KDM7A: variants seen among roughly 807,000 people sequenced by gnomAD.
KDM7A encodes the protein lysine-specific demethylase 7A.
Under a neutral mutation model 114.8 loss-of-function variants are expected in KDM7A, and 28 were observed. The ratio of observed to expected loss-of-function variants is 0.24; its 90% CI spans 0.18 to 0.33. KDM7A has a LOEUF of 0.33. Ranked by LOEUF, KDM7A falls within the 10% of genes least tolerant of loss-of-function variation. The pLI is 1.00. For synonymous variants in KDM7A, 423 were observed against 397.8 expected (o/e 1.06, Z -0.75); for missense variants, 942 against 1,142.5 (o/e 0.82, Z 2.53).
intron 11 of KDM7A, among the ~76,000 whole-genome samples, chr7:140,108,601 C>G (rs1818381974): frequency 6.6e-6 from 1 of 152,184 alleles, no homozygotes; most frequent in Non-Finnish European, 1.5e-5. Context: ...TGCAGAACAG[C>G]AAAGGTTGCT....
At chr7:140,112,535 CAGG>C (rs1329649715) in intron 10 of KDM7A, among the ~76,000 whole-genome samples, 1 of 151,836 alleles carries the variant, frequency 6.6e-6, no homozygotes, top group East Asian at 1.9e-4. Flanking sequence ...CACTTGAACC[CAGG>C]AGGCGTAGGT....
chr7:140,105,145 T>C (rs1022417559), intron 11 of KDM7A, among the ~76,000 whole-genome samples: 6 of 152,220 alleles, frequency 3.9e-5, no homozygotes, highest in Non-Finnish European at 7.3e-5. Context: ...TTTTGTATCC[T>C]GAGACTTTGC....
intron 6 of KDM7A, 34 bp downstream of exon 6, chr7:140,126,603 G>A (rs769112431): frequency 2.1e-6 from 3 of 1,409,980 alleles, no homozygotes; most frequent in African/African-American, 2.9e-5. Context: ...ATATGTTTTT[G>A]TCAGTGAGAG....
In KDM7A at chr7:140,099,035, T is replaced by C; in HGVS notation, c.1764-2A>G. On this transcript the variant is annotated splice_acceptor_variant, in intron 13 of 19. Coordinates refer to ENST00000397560, the MANE Select transcript of KDM7A (RefSeq NM_030647.2). LOFTEE classifies it high-confidence loss of function. ...TCTGCAAAGGGCTGCCTTTCATCTC[T>C]GTATTAAGAAGGAAAAGTAATCAGA... 6.2e-7 allele frequency: 1 copy of C among 1,604,212 alleles called. No individual in the cohort carries two copies. Among genetic ancestry groups the C allele is most frequent in the Non-Finnish European group, 8.5e-7 (1 of 1,175,882 alleles).
chr7:140,104,949 GTCT>G lies in KDM7A; in HGVS notation c.1429-2792_1429-2790del, dbSNP rs1818303489. Among the ~76,000 whole-genome samples, 5 of 152,204 alleles carry G rather than the reference GTCT, an allele frequency of 3.3e-5. 2 individuals carry two copies. The South Asian group carries it at 1.0e-3, about 32-fold the overall frequency. ...ATGGAATGTTCTTCCATTTGTTTGT[GTCT>G]TCTTTTATTTTGTTGAGCAGTGGTT... On this transcript the variant is annotated intron_variant, in intron 11 of 19. Coordinates refer to ENST00000397560, the MANE Select transcript of KDM7A (RefSeq NM_030647.2).
At chr7:140,151,241 G>A (rs545549046) in intron 1 of KDM7A, among the ~76,000 whole-genome samples, 63 of 152,330 alleles carry the variant, frequency 4.1e-4, no homozygotes, top group African/African-American at 1.5e-3. Context: ...CATGGCTAGT[G>A]CGACACCAAA....
intron 15 of KDM7A, 72 bp from the exon 16 acceptor site, chr7:140,097,119 G>T: frequency 9.2e-7 from 1 of 1,085,922 alleles, no homozygotes; most frequent in Non-Finnish European, 1.3e-6. Flanking sequence ...AATCCGAAAA[G>T]ATTTTATACA....
In KDM7A at chr7:140,101,948, T is replaced by C. The variant is rs759762037; in HGVS notation, c.1638+3A>G. 1.3e-6 allele frequency: 2 copies of C among 1,593,364 alleles called. No homozygotes were observed. Among genetic ancestry groups the C allele is most frequent in the East Asian group, 4.5e-5 (2 of 44,774 alleles). ...TTTTGTTGTCATGAAACATAATACT[T>C]GCCTCTTCCCATGGACACATCTCTA... On this transcript the variant is annotated splice_donor_region_variant and intron_variant, in intron 12 of 19. Transcript: ENST00000397560.
chr7:140,138,677 C>G (rs1207828076), intron 2 of KDM7A, among the ~76,000 whole-genome samples: 3 of 152,182 alleles, frequency 2.0e-5, no homozygotes, highest in Non-Finnish European at 4.4e-5. Context: ...TTTAGCTTAT[C>G]AATGCTCTCA....
intron 9 of KDM7A, among the ~76,000 whole-genome samples, chr7:140,114,499 G>A (rs1478748555): frequency 1.3e-5 from 2 of 152,168 alleles, no homozygotes; most frequent in African/African-American, 4.8e-5. Flanking sequence ...GAGTGCAGTG[G>A]CGTGATCTCG....
intron 11 of KDM7A, 40 bp downstream of exon 11, chr7:140,111,055 G>T: frequency 1.8e-6 from 2 of 1,107,326 alleles, no homozygotes; most frequent in Non-Finnish European, 2.8e-6. Context: ...TCTCAAAGCA[G>T]ATAATAATCA....
rs752969536 is a variant in KDM7A at position 140,127,609 on chromosome 7, T to C, written c.560-26A>G. On this transcript the variant is annotated intron_variant, in intron 4 of 19. Coordinates refer to ENST00000397560, the MANE Select transcript of KDM7A (RefSeq NM_030647.2). ...CTGCAGAGAAAAATTACAGTCTTATTATTGGACTTAAGAGTTACATCAGCA... is the reference window on the plus strand; with the variant it reads ...CTGCAGAGAAAAATTACAGTCTTATCATTGGACTTAAGAGTTACATCAGCA... 3 of 1,603,898 alleles carry C rather than the reference T, an allele frequency of 1.9e-6. No homozygotes were observed. In the South Asian group the frequency reaches 3.3e-5, roughly 18 times the overall value.
chr7:140,087,516 A>G lies in KDM7A; in HGVS notation c.*3578T>C, dbSNP rs1817947238. 1 of 152,260 alleles carries G rather than the reference A, an allele frequency of 6.6e-6. No homozygotes were observed. The highest frequency in any genetic ancestry group is 1.5e-5 in the Non-Finnish European group (1 of 68,046). The allele number at this position is 152,260 out of a possible 1,614,324, so 9.4% of individuals were successfully genotyped here. A position where few individuals can be genotyped will look rare whatever the true frequency, so the allele number is the denominator to read the frequency against. The stretch of plus-strand genomic sequence containing the variant: ...TTAGTTTTCATTTAAAAATATATAT[A>G]AAGGTGCATTAATTGCCAGTTTTAA... On this transcript the variant is annotated 3_prime_UTR_variant, in exon 20 of 20. Coordinates refer to ENST00000397560, the MANE Select transcript of KDM7A (RefSeq NM_030647.2).
chr7:140,109,933 C>G (rs2116769176), intron 11 of KDM7A, among the ~76,000 whole-genome samples: 1 of 152,274 alleles, frequency 6.6e-6, no homozygotes, highest in African/African-American at 2.4e-5. Context: ...TTATATTTTT[C>G]TCTGGAGACA....
At chr7:140,092,586 A>C (rs1316233161) in intron 18 of KDM7A, among the ~76,000 whole-genome samples, 1 of 152,184 alleles carries the variant, frequency 6.6e-6, no homozygotes, top group Non-Finnish European at 1.5e-5. Context: ...TCTTAAGACT[A>C]TCGAGTAAAC....
intron 1 of KDM7A, among the ~76,000 whole-genome samples, chr7:140,158,740 G>C (rs972727320): frequency 2.0e-5 from 3 of 152,204 alleles, no homozygotes; most frequent in Non-Finnish European, 2.9e-5. Context: ...TAAGAACTGA[G>C]AAGGAGGGGT....
chr7:140,120,760 T>C (rs1311950971), intron 7 of KDM7A, among the ~76,000 whole-genome samples: 1 of 152,210 alleles, frequency 6.6e-6, no homozygotes, highest in Non-Finnish European at 1.5e-5. Context: ...TTGTAGTTGT[T>C]ACTGTATTTG....
intron 11 of KDM7A, among the ~76,000 whole-genome samples, chr7:140,107,132 T>C (rs960246192): frequency 6.6e-6 from 1 of 152,196 alleles, no homozygotes; most frequent in African/African-American, 2.4e-5. Context: ...TTGGTAGATC[T>C]TCCTCCATCC....
intron 1 of KDM7A, among the ~76,000 whole-genome samples, chr7:140,163,322 C>G (rs1421249751): frequency 1.3e-5 from 2 of 150,980 alleles, no homozygotes; most frequent in African/African-American, 2.4e-5. Context: ...CAGTCTTGCT[C>G]TATCACCCAG....
Sources: gnomAD v4.1 joint callset for allele counts (sites outside exome capture counted in the v4.1 genomes callset) on GRCh38, gnomAD v4.1.1 for gene constraint, MANE v1.5 for transcripts, NCBI Gene and HGNC (gene_info 2026-07-23, HGNC 2026-07-21) for gene names.